The following PHYHD1 variants were observed in gnomAD, a reference collection of about 807,000 sequenced individuals.
PHYHD1 encodes phytanoyl-CoA dioxygenase domain containing 1, also known as phytanoyl-CoA dioxygenase domain-containing protein 1.
Under a neutral mutation model 43.6 loss-of-function variants are expected in PHYHD1, and 42 were observed. That is an observed-to-expected ratio of 0.96 (90% confidence interval 0.75 to 1.25). PHYHD1 has a LOEUF of 1.25. Among genes scored for constraint, PHYHD1 ranks in the 50% most tolerant of loss-of-function variants. The pLI is 0.00. For missense variants in PHYHD1, 342 were observed against 370.8 expected (o/e 0.92, Z 0.64); for synonymous variants, 139 against 143.6 (o/e 0.97, Z 0.23).
At chr9:128,925,879 A>C (rs1841118556) in intron 3 of PHYHD1, among the ~76,000 whole-genome samples, 1 of 151,974 alleles carries the variant, frequency 6.6e-6, no homozygotes, top group African/African-American at 2.4e-5. Flanking sequence ...CCCTCTTGAA[A>C]TGTCACTCCC....
At chr9:128,926,546 T>C (rs1841138285) in intron 3 of PHYHD1, among the ~76,000 whole-genome samples, 1 of 148,808 alleles carries the variant, frequency 6.7e-6, no homozygotes, top group Admixed American at 7.0e-5. Flanking sequence ...AGCTTCCTTT[T>C]TCTTTTTCTT....
In PHYHD1 at chr9:128,941,747, C is replaced by A; in HGVS notation, c.*34C>A. On this transcript the variant is annotated 3_prime_UTR_variant, in exon 13 of 13. Coordinates refer to ENST00000372592, the MANE Select transcript of PHYHD1 (RefSeq NM_001100876.2). ...GCAGGGCAGGAGCCCTCGCCCCTCC[C>A]GGGTGAAGCTGTGGGCTGTAAACAC... The A allele has an allele frequency of 6.2e-7, 1 of 1,614,020 alleles. No individual in the cohort carries two copies.
In PHYHD1 at chr9:128,925,868, C is replaced by G. The variant is rs17452268; in HGVS notation, c.34-1170C>G. On this transcript the variant is annotated intron_variant, in intron 3 of 12. Transcript: ENST00000372592. ...AATGCCCTTCCCTTATCCTGCTGGT[C>G]CCCTCTTGAAATGTCACTCCCTCAG... Among the ~76,000 whole-genome samples the G allele has an allele frequency of 2.4e-3, 363 of 152,280 alleles. 7 individuals carry two copies. The East Asian group carries it at 0.04, about 17-fold the overall frequency.
chr9:128,940,751 G>T (rs751333120), intron 11 of PHYHD1, 36 bp downstream of exon 11: 1 of 1,601,172 alleles, frequency 6.2e-7, no homozygotes, highest in Non-Finnish European at 8.5e-7. Context: ...GCAGGGGGCT[G>T]AGTCCATCAG....
In PHYHD1 at chr9:128,940,606, G is replaced by A. The variant is rs142226174; in HGVS notation, c.594G>A (p.Val198=). 3.2e-5 allele frequency: 51 copies of A among 1,613,976 alleles called. No individual in the cohort carries two copies. The African/African-American group carries it at 5.6e-4, about 18-fold the overall frequency. The part of the protein sequence containing the change: ...WFIPGSHTSG[V]SRRMVRAPVG... ...CTCCATCTTGGCCTGCAGGTGGTGT[G>A]TCAAGAAGGATGGTCCGGGCCCCTG... Residue 198 remains valine, a synonymous_variant, in exon 11 of 13, where the codon GTG becomes GTA. Transcript: ENST00000372592.
rs200910690 is a variant in PHYHD1, at chr9:128,932,149, C to CTAT, written c.193-1616_193-1614dup. On this transcript the variant is annotated intron_variant, in intron 4 of 12. Coordinates refer to ENST00000372592, the MANE Select transcript of PHYHD1 (RefSeq NM_001100876.2). ...CGCACCCGGCCTGGGGAAGTCAGTT[C>CTAT]TATTATTATTATTATTATTGTTATT... is the stretch of plus-strand genomic sequence containing the variant. 1.9e-3 allele frequency among the ~76,000 whole-genome samples: 242 copies of CTAT among 127,932 alleles called. 5 individuals carry two copies. Among genetic ancestry groups the CTAT allele is most frequent in the East Asian group, 7.0e-3 (32 of 4,572 alleles). The allele number at this position is 127,932 out of a possible 152,430, so 83.9% of individuals were successfully genotyped here.
At chr9:128,930,970 C>T in intron 4 of PHYHD1, among the ~76,000 whole-genome samples, 1 of 148,082 alleles carries the variant, frequency 6.8e-6, no homozygotes, top group East Asian at 2.0e-4. Context: ...AAAAAAGGCA[C>T]CTCAATTTCT....
chr9:128,930,948 CA>C (rs759485070), intron 4 of PHYHD1, among the ~76,000 whole-genome samples: 2,217 of 57,098 alleles, frequency 0.039, 25 homozygotes, highest in African/African-American at 0.11. Context: ...GACTCTGTCT[CA>C]AAAAAAAAAA....
chr9:128,921,974 A>C lies in PHYHD1; in HGVS notation c.-115A>C. 2.9e-5 allele frequency: 9 copies of C among 308,780 alleles called. No individual in the cohort carries two copies. Among genetic ancestry groups the C allele is most frequent in the Admixed American group, 5.1e-5 (1 of 19,670 alleles). 19.1% of individuals were successfully genotyped at this position (308,780 alleles called of 1,614,324 possible). On this transcript the variant is annotated 5_prime_UTR_variant, in exon 2 of 13. It removes an upstream start codon present in the reference 5' UTR. Coordinates refer to ENST00000372592, the MANE Select transcript of PHYHD1 (RefSeq NM_001100876.2). ...CAGGCGTTCCTCAGAGTCACAGGGA[A>C]TGGCGGCGCCTGGACTGGGACTCAG...
chr9:128,923,573 A>G (rs1281659819), intron 3 of PHYHD1, among the ~76,000 whole-genome samples: 1 of 152,248 alleles, frequency 6.6e-6, no homozygotes, highest in Non-Finnish European at 1.5e-5. Flanking sequence ...ATACTTTGTT[A>G]AACTAATCCC....
chr9:128,938,505 TC>T lies in PHYHD1; in HGVS notation c.457+729del, dbSNP rs1841481859. On this transcript the variant is annotated intron_variant, in intron 9 of 12. Coordinates refer to ENST00000372592, the MANE Select transcript of PHYHD1 (RefSeq NM_001100876.2). The stretch of plus-strand genomic sequence containing the variant: ...GGCACAATTTCGGCTCACTACAACT[TC>T]CGCCTCTCCGGTCCAAGTGATTCTC... Among the ~76,000 whole-genome samples, 3 of 152,216 alleles carry T rather than the reference TC, an allele frequency of 2.0e-5. No individual in the cohort carries two copies. In the South Asian group the frequency reaches 6.2e-4, roughly 32 times the overall value.
chr9:128,931,846 C>CTTTCTTTTT (rs1554825724), intron 4 of PHYHD1, among the ~76,000 whole-genome samples: 109 of 149,760 alleles, frequency 7.3e-4, no homozygotes, highest in African/African-American at 2.5e-3. Flanking sequence ...TTCTTTCTTT[C>CTTTCTTTTT]TTTTTGAGAT....
intron 12 of PHYHD1, 25 bp downstream of exon 12, chr9:128,941,596 G>A: frequency 6.2e-7 from 1 of 1,614,168 alleles, no homozygotes; most frequent in Non-Finnish European, 8.5e-7. Flanking sequence ...GGGTGTGTGT[G>A]CCCGACAGTC....
chr9:128,930,381 C>T (rs1317531498), intron 4 of PHYHD1, among the ~76,000 whole-genome samples: 1 of 151,050 alleles, frequency 6.6e-6, no homozygotes, highest in Non-Finnish European at 1.5e-5. Context: ...GTCAAGGCTA[C>T]AGTGAGCCGT....
At chr9:128,933,186 A>C (rs1588251815) in intron 4 of PHYHD1, among the ~76,000 whole-genome samples, 8 of 108,692 alleles carry the variant, frequency 7.4e-5, no homozygotes, top group South Asian at 2.8e-4. Flanking sequence ...ACAGAGTCTC[A>C]CTCTGTCGCC....
At chr9:128,921,898 C>T in intron 1 of PHYHD1, 32 bp from the exon 2 acceptor site, 1 of 183,730 alleles carries the variant, frequency 5.4e-6, no homozygotes, top group Non-Finnish European at 1.1e-5. Flanking sequence ...CCGCACATCC[C>T]CCAGACCAAC....
intron 9 of PHYHD1, among the ~76,000 whole-genome samples, chr9:128,939,242 C>T (rs1414709132): frequency 7.7e-6 from 1 of 129,902 alleles, no homozygotes. Flanking sequence ...TCGGTGGTTC[C>T]GCATCCTAAC....
chr9:128,935,251 G>A (rs1035516639), intron 6 of PHYHD1, among the ~76,000 whole-genome samples: 99 of 152,088 alleles, frequency 6.5e-4, no homozygotes, highest in African/African-American at 2.3e-3. Flanking sequence ...CACTGCACTT[G>A]GCCTAGAATG....
intron 4 of PHYHD1, among the ~76,000 whole-genome samples, chr9:128,932,040 G>A (rs913864898): frequency 6.7e-6 from 1 of 149,472 alleles, no homozygotes; most frequent in African/African-American, 2.5e-5. Context: ...TCATCATATT[G>A]GTCAGGCTGG....
Sources: allele counts gnomAD v4.1 joint callset (sites outside exome capture counted in the v4.1 genomes callset), GRCh38; gene constraint gnomAD v4.1.1; transcripts MANE v1.5; gene names NCBI Gene and HGNC (gene_info 2026-07-23, HGNC 2026-07-21).